The following ASPA variants were observed in gnomAD, a reference collection of about 807,000 sequenced individuals.
ASPA encodes ACY-2.
Under a neutral mutation model 29.6 loss-of-function variants are expected in ASPA, and 25 were observed. The observed-to-expected ratio is 0.85, with a 90% CI of 0.62 to 1.18. The LOEUF (loss-of-function observed/expected upper bound fraction) is 1.18, where lower values mean the gene tolerates loss of function less well. Ranked by LOEUF, ASPA falls within the 50% of genes most tolerant of loss-of-function variation. The pLI is 0.00. For missense variants in ASPA, 333 were observed against 385.7 expected (o/e 0.86, Z 1.14); for synonymous variants, 131 against 130.3 (o/e 1.01, Z -0.04).
Position 3,477,676 on chromosome 17 carries a change from A to G in ASPA, c.236+1281A>G, listed in dbSNP as rs542061214. Among the ~76,000 whole-genome samples the G allele has an allele frequency of 1.1e-4, 16 of 151,624 alleles. No homozygotes were observed. The East Asian group carries it at 2.7e-3, about 26-fold the overall frequency. ...TCCATGTTGGCCAGGCTGGTCTCAA[A>G]CTCCTGGCCTCAGGTGATCTGCCTG... On this transcript the variant is annotated intron_variant, in intron 1 of 5. Transcript: ENST00000263080.
At chr17:3,480,914 GT>G (rs1166196764) in intron 1 of ASPA, among the ~76,000 whole-genome samples, 1 of 152,182 alleles carries the variant, frequency 6.6e-6, no homozygotes, top group African/African-American at 2.4e-5. Flanking sequence ...GGCAGTTTTA[GT>G]TCAAGACCAG....
At chr17:3,475,943 T>C (rs538501681), upstream of ASPA, 11 of 572,296 alleles carry the variant, frequency 1.9e-5, no homozygotes, top group East Asian at 5.9e-5. Flanking sequence ...CATATTTTAA[T>C]CCAAATATGG....
chr17:3,489,472 TC>T, intron 4 of ASPA, 130 bp downstream of exon 4: 3 of 726,828 alleles, frequency 4.1e-6, no homozygotes, highest in Non-Finnish European at 7.2e-6. Context: ...CTTCAGCTAT[TC>T]CCCAATGGCC....
intron 1 of ASPA, among the ~76,000 whole-genome samples, chr17:3,476,941 G>A (rs570615201): frequency 6.6e-6 from 1 of 152,294 alleles, no homozygotes; most frequent in Admixed American, 6.5e-5. Flanking sequence ...GGATCACGAG[G>A]TCAGGAGATC....
At chr17:3,479,761 G>A (rs961784777) in intron 1 of ASPA, among the ~76,000 whole-genome samples, 1 of 152,108 alleles carries the variant, frequency 6.6e-6, no homozygotes, top group African/African-American at 2.4e-5. Flanking sequence ...CTCATTCCAG[G>A]CAGGAATTAG....
rs375440961 is a variant in ASPA, at chr17:3,490,500, C to A, written c.634+1158C>A. On this transcript the variant is annotated intron_variant, in intron 4 of 5. Transcript: ENST00000263080. This position sits in a 1 kb window ranked among gnomAD's most constrained non-coding sequence, Gnocchi z 4.6. ...ATAATAACAGAGGGGGTGTGTACTTCGGTGTCTGTGGGGAGTGAATTCCTC... is the reference window on the plus strand; with the variant it reads ...ATAATAACAGAGGGGGTGTGTACTTAGGTGTCTGTGGGGAGTGAATTCCTC... Among the ~76,000 whole-genome samples, 1 of 152,032 alleles carries A rather than the reference C, an allele frequency of 6.6e-6. No homozygotes were observed. The highest frequency in any genetic ancestry group is 1.5e-5 in the Non-Finnish European group (1 of 68,014).
At position 3,476,237 on chromosome 17, in the gene ASPA, C is replaced by T. The variant is rs145616193; in HGVS notation, c.78C>T (p.Thr26=). Reference sequence around the variant, plus strand: ...GAGGAACCCATGGGAATGAGCTAACCGGAGTATTTCTGGTTAAGCATTGGC... The same window carrying T: ...GAGGAACCCATGGGAATGAGCTAACTGGAGTATTTCTGGTTAAGCATTGGC... ...IFGGTHGNEL[T]GVFLVKHWLE... Residue 26 remains threonine (T), a synonymous_variant, in exon 1 of 6, where the codon ACC becomes ACT. Coordinates refer to ENST00000263080, the MANE Select transcript of ASPA (RefSeq NM_000049.4). The T allele has an allele frequency of 8.0e-5, 129 of 1,614,058 alleles. 1 individual carries two copies. In the Middle Eastern group the frequency reaches 1.2e-3, roughly 14 times the overall value.
rs748944826 is a variant in ASPA, at chr17:3,490,811, T to C, written c.634+1469T>C. ...TGGTTGGTTTTCAGATCATAGTCCATAGAATCCTATCACAACGGTGGAGAA... is the reference window on the plus strand; with the variant it reads ...TGGTTGGTTTTCAGATCATAGTCCACAGAATCCTATCACAACGGTGGAGAA... On this transcript the variant is annotated intron_variant, in intron 4 of 5. Transcript: ENST00000263080. This position sits in a 1 kb window ranked among gnomAD's most constrained non-coding sequence, Gnocchi z 4.6. Among the ~76,000 whole-genome samples, 2 of 152,214 alleles carry C rather than the reference T, an allele frequency of 1.3e-5. No homozygotes were observed. Among genetic ancestry groups the C allele is most frequent in the East Asian group, 1.9e-4 (1 of 5,196 alleles).
rs780293263 is a variant in ASPA at position 3,476,331 on chromosome 17, G to A, written c.172G>A (p.Val58Met). The change falls in exon 1 of 6, where the codon GTG (valine) becomes ATG (methionine). Residue 58 changes from valine to methionine, a missense_variant. By Grantham distance (21) the Val-to-Met change is conservative. Coordinates refer to ENST00000263080, the MANE Select transcript of ASPA (RefSeq NM_000049.4). ...ACCATTTATTACTAACCCCAGAGCA[G>A]TGAAGAAGTGTACCAGATATATTGA... ...VKPFITNPRAVKKCTRYIDCD... is the reference protein window; with the variant it reads ...VKPFITNPRAMKKCTRYIDCD... 5.6e-6 allele frequency: 9 copies of A among 1,614,054 alleles called. 1 individual carries two copies. The highest frequency in any genetic ancestry group is 5.5e-5 in the South Asian group (5 of 91,086).
chr17:3,484,856 G>A (rs763475155), intron 3 of ASPA, among the ~76,000 whole-genome samples: 3 of 152,090 alleles, frequency 2.0e-5, no homozygotes, highest in Non-Finnish European at 2.9e-5. Flanking sequence ...ACCCCTAACT[G>A]ATGACATGCC....
chr17:3,488,080 G>A lies in ASPA; in HGVS notation c.527-1155G>A, dbSNP rs1052957030. ...GTATTGGGAAATAACAGAAGCGGGT[G>A]AAAACAAGATGAGTGTAAAAGAATG... On this transcript the variant is annotated intron_variant, in intron 3 of 5. Coordinates refer to ENST00000263080, the MANE Select transcript of ASPA (RefSeq NM_000049.4). This position sits in a 1 kb window ranked among gnomAD's most constrained non-coding sequence, Gnocchi z 6.1. 6.6e-6 allele frequency among the ~76,000 whole-genome samples: 1 copy of A among 152,182 alleles called. No homozygotes were observed. Among genetic ancestry groups the A allele is most frequent in the Non-Finnish European group, 1.5e-5 (1 of 68,028 alleles).
intron 5 of ASPA, 151 bp from the exon 6 acceptor site, chr17:3,498,740 T>G: frequency 1.4e-6 from 1 of 690,814 alleles, no homozygotes; most frequent in East Asian, 3.0e-5. Flanking sequence ...GTCAGCGCAG[T>G]CAGATCACTT....
intron 5 of ASPA, 71 bp from the exon 6 acceptor site, chr17:3,498,820 T>C: frequency 7.5e-7 from 1 of 1,339,460 alleles, no homozygotes; most frequent in Non-Finnish European, 9.9e-7. Flanking sequence ...GTTAGTTGTC[T>C]AGAGTCTGAC....
intron 5 of ASPA, among the ~76,000 whole-genome samples, chr17:3,496,116 G>A (rs1176907816): frequency 6.6e-6 from 1 of 152,024 alleles, no homozygotes; most frequent in Non-Finnish European, 1.5e-5. Context: ...TAGGAAGGAT[G>A]GTTTTGATTT....
upstream of ASPA, among the ~76,000 whole-genome samples, chr17:3,474,955 C>T (rs1385839185): frequency 6.6e-6 from 1 of 152,170 alleles, no homozygotes; most frequent in South Asian, 2.1e-4. Flanking sequence ...ACCTCTCTTT[C>T]GTTTACCCCT....
chr17:3,498,743 G>C, intron 5 of ASPA, 148 bp from the exon 6 acceptor site: 1 of 725,226 alleles, frequency 1.4e-6, no homozygotes, highest in Non-Finnish European at 2.1e-6. Flanking sequence ...AGCGCAGTCA[G>C]ATCACTTGCC....
At chr17:3,498,667 C>A (rs1052352993) in intron 5 of ASPA, among the ~76,000 whole-genome samples, 1 of 152,150 alleles carries the variant, frequency 6.6e-6, no homozygotes, top group African/African-American at 2.4e-5. Flanking sequence ...GTTAATTACA[C>A]GTTTCAATTA....
rs547931191 is a variant in ASPA at position 3,477,448 on chromosome 17, C to CTTCT, written c.236+1066_236+1069dup. Among the ~76,000 whole-genome samples, 555 of 152,134 alleles carry CTTCT rather than the reference C, an allele frequency of 3.6e-3. 5 individuals carry two copies. The highest frequency in any genetic ancestry group is 0.012 in the African/African-American group (502 of 41,524). The stretch of plus-strand genomic sequence containing the variant: ...GACTCCACATATTTGCTTTTTACCA[C>CTTCT]TTCTTTCTTTCTTTCTCTTTTTGAG... On this transcript the variant is annotated intron_variant, in intron 1 of 5. Coordinates refer to ENST00000263080, the MANE Select transcript of ASPA (RefSeq NM_000049.4).
At chr17:3,496,083 G>C (rs1421982795) in intron 5 of ASPA, among the ~76,000 whole-genome samples, 1 of 152,176 alleles carries the variant, frequency 6.6e-6, no homozygotes, top group Admixed American at 6.5e-5. Context: ...TAGCAAACTG[G>C]GCTAGTGGTA....
Sources: gnomAD v4.1 joint callset for allele counts (sites outside exome capture counted in the v4.1 genomes callset) on GRCh38, gnomAD v4.1.1 for gene constraint, Gnocchi (gnomAD v3.1) non-coding constraint, MANE v1.5 for transcripts, NCBI Gene and HGNC (gene_info 2026-07-23, HGNC 2026-07-21) for gene names.